SRGAP3: variants seen among roughly 807,000 people sequenced by gnomAD.
SRGAP3 encodes the protein SLIT-ROBO Rho GTPase activating protein 3.
Under a neutral mutation model 121.1 loss-of-function variants are expected in SRGAP3, and 39 were observed. The observed-to-expected ratio is 0.32, with a 90% confidence interval of 0.25 to 0.42. The LOEUF is 0.42. Among genes scored for constraint, SRGAP3 ranks in the 10% least tolerant of loss-of-function variants. The probability of loss-of-function intolerance (pLI) is 1.00; values close to 1 mark genes in which losing one functional copy is unlikely to be tolerated. For missense variants in SRGAP3, 1,213 were observed against 1,470.6 expected, an observed-to-expected ratio of 0.82 and a Z score of 2.86; for synonymous variants, 601 against 570.0, an observed-to-expected ratio of 1.05 and a Z score of -0.77.
rs911174769 is a variant in SRGAP3, at chr3:9,004,635, C to CT, written c.2227+5672dup. ...AACCCATACACCTGTAGTCAAAGGA[C>CT]TTTTTTTAACAAGGGTGCTAAGACC... is the stretch of plus-strand genomic sequence containing the variant. On this transcript the variant is annotated intron_variant, in intron 18 of 21. Transcript: ENST00000383836. Among the ~76,000 whole-genome samples, 6 of 152,224 alleles carry CT rather than the reference C, an allele frequency of 3.9e-5. No individual in the cohort carries two copies. In the East Asian group the frequency reaches 7.7e-4, roughly 20 times the overall value.
Position 9,072,126 on chromosome 3 carries a change from CG to C in SRGAP3, c.487-7546del, listed in dbSNP as rs540310151. ...TACCCATATCAGTCCTGATCCCAAC[CG>C]GCCAGGCTCAGTGCAGTGACTCAGG... is the stretch of plus-strand genomic sequence containing the variant. On this transcript the variant is annotated intron_variant, in intron 4 of 21. Transcript: ENST00000383836. Among the ~76,000 whole-genome samples the C allele has an allele frequency of 4.6e-5, 7 of 152,296 alleles. No homozygotes were observed. In the East Asian group the frequency reaches 1.4e-3, roughly 29 times the overall value.
intron 1 of SRGAP3, among the ~76,000 whole-genome samples, chr3:9,227,910 G>A (rs1953047123): frequency 6.6e-6 from 1 of 152,142 alleles, no homozygotes; most frequent in South Asian, 2.1e-4. Context: ...AGGTTTTACT[G>A]GAAGTAATGA....
chr3:9,352,910 G>T (rs1256274358), intron 1 of SRGAP3, among the ~76,000 whole-genome samples: 1 of 152,220 alleles, frequency 6.6e-6, no homozygotes, highest in Non-Finnish European at 1.5e-5. Flanking sequence ...TTCTGTTGTT[G>T]TTCCCTGAGT....
At chr3:9,084,245 C>T (rs1947362739) in intron 3 of SRGAP3, among the ~76,000 whole-genome samples, 2 of 152,142 alleles carry the variant, frequency 1.3e-5, no homozygotes, top group Admixed American at 6.5e-5. Context: ...CATGAATTTG[C>T]CCAGGAATTC....
intron 10 of SRGAP3, among the ~76,000 whole-genome samples, chr3:9,039,917 T>C (rs1944939735): frequency 6.6e-6 from 1 of 152,218 alleles, no homozygotes; most frequent in Admixed American, 6.5e-5. Context: ...CCTTAAATGT[T>C]TCCCATAGCA....
intron 2 of SRGAP3, among the ~76,000 whole-genome samples, chr3:9,123,732 A>ATGTGTG (rs532602901): frequency 5.3e-4 from 74 of 139,114 alleles, no homozygotes; most frequent in African/African-American, 1.3e-3. Flanking sequence ...ATATGTATAT[A>ATGTGTG]TGTGTGTGTG....
intron 1 of SRGAP3, among the ~76,000 whole-genome samples, chr3:9,352,271 ATTTTTTTTT>A (rs34692815): frequency 8.1e-6 from 1 of 123,448 alleles, no homozygotes; most frequent in Non-Finnish European, 1.6e-5. Flanking sequence ...TGTTATGGAC[ATTTTTTTTT>A]TTTTTTTTTT....
At chr3:9,026,861 T>C (rs1264519944) in intron 13 of SRGAP3, 74 bp downstream of exon 13, 2 of 1,533,182 alleles carry the variant, frequency 1.3e-6, no homozygotes, top group Non-Finnish European at 1.8e-6. Flanking sequence ...CAAATTAGAA[T>C]CTCATTTCCT....
chr3:9,357,322 G>T (rs2030569045), intron 1 of SRGAP3, among the ~76,000 whole-genome samples: 2 of 151,978 alleles, frequency 1.3e-5, no homozygotes. Context: ...CCTATTCTGG[G>T]TATTTCATGT....
chr3:9,220,406 T>G (rs1952774799), intron 1 of SRGAP3, among the ~76,000 whole-genome samples: 1 of 152,200 alleles, frequency 6.6e-6, no homozygotes, highest in Non-Finnish European at 1.5e-5. Context: ...CAGGAGAGGC[T>G]GCAAACATCA....
chr3:9,078,637 C>A (rs1238546683), intron 4 of SRGAP3, among the ~76,000 whole-genome samples: 5 of 152,138 alleles, frequency 3.3e-5, no homozygotes, highest in African/African-American at 1.2e-4. Context: ...GTGCACTAAG[C>A]AGGTACTAGT....
chr3:9,096,267 A>T (rs2124877625), intron 3 of SRGAP3, among the ~76,000 whole-genome samples: 1 of 152,334 alleles, frequency 6.6e-6, no homozygotes, highest in Non-Finnish European at 1.5e-5. Flanking sequence ...GAAAATTATG[A>T]AATATTTATA....
At chr3:8,986,062 T>A in intron 21 of SRGAP3, 130 bp from the exon 22 acceptor site, 1 of 1,529,914 alleles carries the variant, frequency 6.5e-7, no homozygotes, top group Non-Finnish European at 8.8e-7. Flanking sequence ...GATTAAGTCC[T>A]CAGGATGTCT....
chr3:9,124,984 C>T, intron 1 of SRGAP3, 67 bp from the exon 2 acceptor site: 1 of 1,580,502 alleles, frequency 6.3e-7, no homozygotes, highest in Non-Finnish European at 8.7e-7. Flanking sequence ...GCCCGCTCTG[C>T]TGCTGGCCTG....
At chr3:9,352,074 C>T (rs986567739) in intron 1 of SRGAP3, among the ~76,000 whole-genome samples, 3 of 152,058 alleles carry the variant, frequency 2.0e-5, no homozygotes, top group African/African-American at 7.2e-5. Context: ...GGCTTTAAGG[C>T]CATCTAATCG....
At chr3:9,286,967 T>C (rs1376422338) in intron 3 of SRGAP3, among the ~76,000 whole-genome samples, 1 of 150,328 alleles carries the variant, frequency 6.7e-6, no homozygotes, top group Non-Finnish European at 1.5e-5. Flanking sequence ...CTCGTTTGCC[T>C]TGTCCACACA....
intron 3 of SRGAP3, among the ~76,000 whole-genome samples, chr3:9,266,514 T>C (rs1407626318): frequency 6.6e-6 from 1 of 152,168 alleles, no homozygotes. Flanking sequence ...TGACATATAA[T>C]AGGTGATCAA....
At chr3:8,998,386 C>T (rs1176475448) in intron 18 of SRGAP3, among the ~76,000 whole-genome samples, 2 of 152,144 alleles carry the variant, frequency 1.3e-5, no homozygotes, top group East Asian at 3.9e-4. Flanking sequence ...CTTACCAAGG[C>T]CTTTCCCAGC....
chr3:9,225,385 C>T (rs1952951267), intron 1 of SRGAP3, among the ~76,000 whole-genome samples: 1 of 152,156 alleles, frequency 6.6e-6, no homozygotes, highest in Admixed American at 6.5e-5. Context: ...GAAGAGGAAG[C>T]CACTGTCCTG....
Sources: allele counts gnomAD v4.1 joint callset (sites outside exome capture counted in the v4.1 genomes callset), GRCh38; gene constraint gnomAD v4.1.1; transcripts MANE v1.5; gene names NCBI Gene and HGNC (gene_info 2026-07-23, HGNC 2026-07-21).